The following MICAL3 variants were observed in gnomAD, a reference collection of about 807,000 sequenced individuals.
MICAL3 encodes microtubule associated monooxygenase, calponin and LIM domain containing 3.
In MICAL3, 62 loss-of-function variants were observed where a neutral mutation model predicts 207.4. The observed-to-expected ratio is 0.30, with a 90% CI of 0.24 to 0.37. MICAL3 has a LOEUF of 0.37. Ranked by LOEUF, MICAL3 falls within the 10% of genes least tolerant of loss-of-function variation. MICAL3 has a pLI of 1.00. For missense variants in MICAL3, 2,368 were observed against 2,635.6 expected (o/e 0.90, Z 2.22); for synonymous variants, 1,077 against 1,069.3 (o/e 1.01, Z -0.14).
chr22:17,947,004 G>A (rs1934103571), intron 1 of MICAL3, among the ~76,000 whole-genome samples: 2 of 152,184 alleles, frequency 1.3e-5, no homozygotes, highest in Non-Finnish European at 2.9e-5. Context: ...ATGGACTGAG[G>A]AATTTGGACA....
At chr22:17,896,134 T>C (rs1304766858) in intron 9 of MICAL3, 112 bp downstream of exon 9, 11 of 600,084 alleles carry the variant, frequency 1.8e-5, no homozygotes, top group Middle Eastern at 2.6e-4. Context: ...AAAACATCTT[T>C]AATTAAGAAG....
At chr22:18,017,713 G>C (rs553762566) in intron 1 of MICAL3, among the ~76,000 whole-genome samples, 1 of 150,708 alleles carries the variant, frequency 6.6e-6, no homozygotes, top group African/African-American at 2.4e-5. Context: ...TGCCTCCCGA[G>C]TAGCTGGGAT....
At chr22:17,816,571 C>T (rs1392537838) in intron 27 of MICAL3, 119 bp downstream of exon 27, 11 of 790,450 alleles carry the variant, frequency 1.4e-5, no homozygotes, top group African/African-American at 3.4e-5. Context: ...GCTGGCTATG[C>T]GCCACTAGCT....
At chr22:17,991,182 G>A (rs765443289) in intron 1 of MICAL3, among the ~76,000 whole-genome samples, 6 of 152,186 alleles carry the variant, frequency 3.9e-5, no homozygotes, top group Non-Finnish European at 5.9e-5. Flanking sequence ...GCACCAACAG[G>A]CCCAGATGAC....
At chr22:17,813,054 ATC>A (rs1202104713) in intron 27 of MICAL3, 2 of 152,112 alleles carry the variant, frequency 1.3e-5, no homozygotes, top group African/African-American at 4.8e-5. Flanking sequence ...GAAACCACCC[ATC>A]TCTCCCAAAA....
chr22:17,977,788 C>T (rs192027045), intron 1 of MICAL3, among the ~76,000 whole-genome samples: 50 of 152,266 alleles, frequency 3.3e-4, no homozygotes, highest in African/African-American at 1.2e-3. Context: ...CTTTGGGAGG[C>T]CGAGGCAGGA....
rs1569143893 is a variant in MICAL3, at chr22:17,950,326, G to GTTTTGT, written c.-74-43446_-74-43441dup. ...ACAGGCGCCTGCCACCACATCTGGC[G>GTTTTGT]TTTTGTTTTTGTTTTTTTTTTTTTT... On this transcript the variant is annotated intron_variant, in intron 1 of 31. Coordinates refer to ENST00000441493, the MANE Select transcript of MICAL3 (RefSeq NM_015241.3). Among the ~76,000 whole-genome samples, 72 of 134,992 alleles carry GTTTTGT rather than the reference G, an allele frequency of 5.3e-4. 1 individual carries two copies. The highest frequency in any genetic ancestry group is 1.3e-3 in the African/African-American group (46 of 34,510). 88.6% of individuals were successfully genotyped at this position (134,992 alleles called of 152,430 possible).
At chr22:17,848,699 C>T (rs942779927) in intron 19 of MICAL3, among the ~76,000 whole-genome samples, 1 of 152,164 alleles carries the variant, frequency 6.6e-6, no homozygotes, top group East Asian at 1.9e-4. Context: ...CTGGTATCTG[C>T]GGGAGAAGGG....
intron 16 of MICAL3, among the ~76,000 whole-genome samples, chr22:17,878,607 G>C (rs1174781416): frequency 6.6e-6 from 1 of 152,198 alleles, no homozygotes; most frequent in Non-Finnish European, 1.5e-5. Context: ...GCTTTTGTGA[G>C]ATTAACAACT....
chr22:17,935,953 T>C (rs1021654877), intron 1 of MICAL3, among the ~76,000 whole-genome samples: 2 of 152,172 alleles, frequency 1.3e-5, no homozygotes, highest in South Asian at 2.1e-4. Flanking sequence ...TGTGGAGAAA[T>C]AGGAACGCTT....
At chr22:17,834,600 T>C in intron 20 of MICAL3, 2 of 1,119,616 alleles carry the variant, frequency 1.8e-6, no homozygotes, top group Non-Finnish European at 2.2e-6. Context: ...AGCTCCTTAT[T>C]CTCAAGGGGA....
intron 17 of MICAL3, among the ~76,000 whole-genome samples, chr22:17,871,449 T>A (rs1202973772): frequency 6.6e-6 from 1 of 152,214 alleles, no homozygotes; most frequent in Non-Finnish European, 1.5e-5. Flanking sequence ...TCCAACTTGC[T>A]GTCATCATCA....
intron 1 of MICAL3, among the ~76,000 whole-genome samples, chr22:18,002,338 T>TA (rs1413625822): frequency 6.7e-6 from 1 of 148,616 alleles, no homozygotes; most frequent in East Asian, 2.1e-4. Context: ...TAAGAGAAAA[T>TA]ATAGAGCAGA....
intron 16 of MICAL3, chr22:17,872,698 C>T: frequency 8.8e-7 from 1 of 1,134,420 alleles, no homozygotes; most frequent in Non-Finnish European, 1.3e-6. Flanking sequence ...GGTGTGTTTC[C>T]CATGGCTGTG....
intron 19 of MICAL3, chr22:17,864,271 G>A: frequency 9.4e-7 from 1 of 1,060,478 alleles, no homozygotes; most frequent in Non-Finnish European, 1.1e-6. Context: ...GACAGGTGAG[G>A]GCTTGGACCT....
At chr22:17,877,821 C>A (rs1018693075) in intron 16 of MICAL3, among the ~76,000 whole-genome samples, 2 of 152,100 alleles carry the variant, frequency 1.3e-5, no homozygotes, top group Non-Finnish European at 2.9e-5. Context: ...CCAATCTCTC[C>A]TATTCAACAT....
chr22:17,905,383 G>A (rs1026731137), intron 2 of MICAL3, among the ~76,000 whole-genome samples: 6 of 152,120 alleles, frequency 3.9e-5, no homozygotes, highest in Non-Finnish European at 5.9e-5. Flanking sequence ...TAGACTGAAC[G>A]TCCAGGAACA....
intron 1 of MICAL3, among the ~76,000 whole-genome samples, chr22:18,010,422 T>G (rs1017113282): frequency 1.3e-5 from 2 of 152,188 alleles, no homozygotes; most frequent in Non-Finnish European, 2.9e-5. Context: ...GTGTCTGACC[T>G]TAAGGAGCTA....
intron 1 of MICAL3, among the ~76,000 whole-genome samples, chr22:17,993,378 C>T (rs969012483): frequency 4.6e-5 from 7 of 152,060 alleles, no homozygotes; most frequent in Non-Finnish European, 8.8e-5. Context: ...TTTGAAGCCC[C>T]GCATGCATTA....
Sources: allele counts gnomAD v4.1 joint callset (sites outside exome capture counted in the v4.1 genomes callset), GRCh38; gene constraint gnomAD v4.1.1; transcripts MANE v1.5; gene names NCBI Gene and HGNC (gene_info 2026-07-23, HGNC 2026-07-21).